TRPC5: variants seen among roughly 807,000 people sequenced by gnomAD.
The protein encoded by TRPC5 is transient receptor potential cation channel subfamily C member 5, also known as short transient receptor potential channel 5.
TRPC5 carries 9 observed loss-of-function variants against 56.5 expected under a neutral mutation model. That is an observed-to-expected ratio of 0.16 (90% CI 0.10 to 0.28). The LOEUF is 0.28. Ranked by LOEUF, TRPC5 falls within the 10% of genes least tolerant of loss-of-function variation. The pLI, the probability that TRPC5 is intolerant of heterozygous loss-of-function variation, is 1.00. For missense variants in TRPC5, 469 were observed against 748.9 expected (o/e 0.63, Z 4.36); for synonymous variants, 282 against 278.5 (o/e 1.01, Z -0.13).
chrX:111,955,181 T>C, intron 1 of TRPC5, among the ~76,000 whole-genome samples: 1 of 112,439 alleles, frequency 8.9e-6, no homozygotes, highest in East Asian at 2.8e-4. Flanking sequence ...GGAATTAGTC[T>C]GGTCTATGTA....
chrX:111,788,805 C>T (rs1945992571), intron 7 of TRPC5, among the ~76,000 whole-genome samples: 1 of 111,581 alleles, frequency 9.0e-6, no homozygotes, highest in African/African-American at 3.3e-5. Context: ...GAGTGAACTC[C>T]CATTCACAAT....
rs187923847 is a variant in TRPC5 at position 112,023,416 on chromosome X, T to C, written c.-22+58463A>G. ...GTTTCTCACAGTCCTTGGCAGGTAC[T>C]TCTGACAAAGATCGTGATTCTGTGA... On this transcript the variant is annotated intron_variant, in intron 1 of 10. Transcript: ENST00000262839. Among the ~76,000 whole-genome samples, 252 of 108,840 alleles carry C rather than the reference T, an allele frequency of 2.3e-3. 1 individual carries two copies. Among genetic ancestry groups the C allele is most frequent in the Non-Finnish European group, 4.3e-3 (225 of 52,428 alleles). 94.5% of individuals were successfully genotyped at this position (108,840 alleles called of 115,157 possible). A position where few individuals can be genotyped will look rare whatever the true frequency, so the allele number is the denominator to read the frequency against.
intron 1 of TRPC5, among the ~76,000 whole-genome samples, chrX:111,966,384 G>A (rs892906834): frequency 2.7e-5 from 3 of 111,453 alleles, no homozygotes; most frequent in Non-Finnish European, 3.8e-5. Context: ...ATTCACAGCC[G>A]AATTCTACCA....
chrX:112,031,586 T>TAA, intron 1 of TRPC5, among the ~76,000 whole-genome samples: 1 of 110,798 alleles, frequency 9.0e-6, no homozygotes, highest in Admixed American at 9.7e-5. Flanking sequence ...CAGCAAAGTT[T>TAA]AAAAAAATAA....
rs141014412 is a variant in TRPC5 at position 111,811,781 on chromosome X, A to T, written c.1896+23140T>A. On this transcript the variant is annotated intron_variant, in intron 7 of 10. Transcript: ENST00000262839. Reference sequence around the variant, plus strand: ...TAAAATTCCTAGGCTACTCCCTGGTATGTAGTAAGAGCTATATAATTGTTG... The same window carrying T: ...TAAAATTCCTAGGCTACTCCCTGGTTTGTAGTAAGAGCTATATAATTGTTG... 4.4e-3 allele frequency among the ~76,000 whole-genome samples: 485 copies of T among 111,419 alleles called. 3 individuals carry two copies. The highest frequency in any genetic ancestry group is 0.015 in the African/African-American group (468 of 30,734).
intron 1 of TRPC5, among the ~76,000 whole-genome samples, chrX:111,953,562 T>C (rs1911052103): frequency 8.9e-6 from 1 of 111,749 alleles, no homozygotes; most frequent in Non-Finnish European, 1.9e-5. Context: ...TCAGATCTAT[T>C]AGGTGTTGGC....
At chrX:112,017,411 A>G (rs1929157481) in intron 1 of TRPC5, among the ~76,000 whole-genome samples, 1 of 111,184 alleles carries the variant, frequency 9.0e-6, no homozygotes, top group African/African-American at 3.3e-5. Context: ...GAGGCACTGC[A>G]AAACTATTTT....
At chrX:111,860,067 A>C (rs191583013) in intron 3 of TRPC5, among the ~76,000 whole-genome samples, 14 of 94,947 alleles carry the variant, frequency 1.5e-4, no homozygotes, top group African/African-American at 2.5e-4. Context: ...CGCCACCACG[A>C]CCGGCTAATT....
intron 3 of TRPC5, among the ~76,000 whole-genome samples, chrX:111,886,400 C>T (rs1233230815): frequency 1.8e-5 from 2 of 112,685 alleles, no homozygotes; most frequent in African/African-American, 6.5e-5. Flanking sequence ...ATGTTTGCAT[C>T]CATGTATTAT....
chrX:111,919,151 G>A (rs1221665941), intron 2 of TRPC5, among the ~76,000 whole-genome samples: 2 of 111,429 alleles, frequency 1.8e-5, no homozygotes, highest in African/African-American at 6.5e-5. Context: ...TGGGGACTTG[G>A]AGAACTTTTC....
At chrX:111,974,432 A>G (rs1437546146) in intron 1 of TRPC5, among the ~76,000 whole-genome samples, 1 of 111,732 alleles carries the variant, frequency 8.9e-6, no homozygotes, top group African/African-American at 3.3e-5. Flanking sequence ...CATAAAAGCA[A>G]TGAGAACACT....
intron 3 of TRPC5, chrX:111,901,428 A>G (rs1473554159): frequency 8.8e-6 from 1 of 113,385 alleles, no homozygotes; most frequent in Non-Finnish European, 1.8e-5. Flanking sequence ...AGTTAGACAT[A>G]TCGTTTCAAC....
At position 111,982,298 on chromosome X, in the gene TRPC5, T is replaced by A. The variant is rs747368208; in HGVS notation, c.-21-29857A>T. Among the ~76,000 whole-genome samples the A allele has an allele frequency of 6.2e-5, 7 of 112,219 alleles. No homozygotes were observed. In the East Asian group the frequency reaches 1.7e-3, roughly 27 times the overall value. On this transcript the variant is annotated intron_variant, in intron 1 of 10. Coordinates refer to ENST00000262839, the MANE Select transcript of TRPC5 (RefSeq NM_012471.3). ...TAATTATAGTTCTAATTTCTGTAAC[T>A]GGCCATGTGGTCACAGTTAGCATTT...
intron 6 of TRPC5, among the ~76,000 whole-genome samples, chrX:111,841,495 A>G (rs1245536767): frequency 8.9e-6 from 1 of 111,899 alleles, no homozygotes; most frequent in African/African-American, 3.3e-5. Context: ...AACACTGTCT[A>G]CCTGATAGCA....
intron 1 of TRPC5, among the ~76,000 whole-genome samples, chrX:111,967,852 C>A (rs1375968365): frequency 2.7e-5 from 3 of 111,750 alleles, no homozygotes; most frequent in Non-Finnish European, 5.6e-5. Context: ...AAATGTTAGC[C>A]CTAAAACCAT....
intron 2 of TRPC5, among the ~76,000 whole-genome samples, chrX:111,944,303 T>TGTGA (rs1173179815): frequency 0.023 from 1,401 of 61,144 alleles, 20 homozygotes; most frequent in Middle Eastern, 0.035. Context: ...TGTGTGTGTG[T>TGTGA]GAGAGAGAGA....
At chrX:111,968,616 A>G (rs1397257039) in intron 1 of TRPC5, among the ~76,000 whole-genome samples, 1 of 109,845 alleles carries the variant, frequency 9.1e-6, no homozygotes, top group African/African-American at 3.3e-5. Flanking sequence ...AAAATGTGGC[A>G]CATATACCCC....
chrX:112,060,250 AT>A (rs1930431319), intron 1 of TRPC5, among the ~76,000 whole-genome samples: 1 of 112,010 alleles, frequency 8.9e-6, no homozygotes, highest in South Asian at 3.7e-4. Flanking sequence ...ACCTGAGGAT[AT>A]TTACATTTGC....
chrX:112,032,931 C>T (rs1033118314), intron 1 of TRPC5, among the ~76,000 whole-genome samples: 2 of 110,614 alleles, frequency 1.8e-5, no homozygotes, highest in Non-Finnish European at 3.8e-5. Context: ...TGGAGAAATG[C>T]ATAGTCAAGT....
Sources: allele counts gnomAD v4.1 joint callset (sites outside exome capture counted in the v4.1 genomes callset), GRCh38; gene constraint gnomAD v4.1.1; transcripts MANE v1.5; gene names NCBI Gene and HGNC (gene_info 2026-07-23, HGNC 2026-07-21).